The following PEAK1 variants were observed in gnomAD, a reference collection of about 807,000 sequenced individuals.
PEAK1 encodes the protein inactive tyrosine-protein kinase PEAK1.
In PEAK1, 54 loss-of-function variants were observed where a neutral mutation model predicts 124.7. That is an observed-to-expected ratio of 0.43 (90% CI 0.35 to 0.54). The LOEUF (loss-of-function observed/expected upper bound fraction) is 0.54, where lower values mean the gene tolerates loss of function less well. Ranked by LOEUF, PEAK1 falls within the 20% of genes least tolerant of loss-of-function variation. PEAK1 has a pLI of 0.01. For missense variants in PEAK1, 2,046 were observed against 2,134.5 expected, an observed-to-expected ratio of 0.96 and a Z score of 0.82; for synonymous variants, 719 against 760.0, an observed-to-expected ratio of 0.95 and a Z score of 0.89.
intron 6 of PEAK1, among the ~76,000 whole-genome samples, chr15:77,214,763 G>T (rs1404222943): frequency 6.6e-6 from 1 of 152,104 alleles, no homozygotes; most frequent in African/African-American, 2.4e-5. Flanking sequence ...ATATTCATAT[G>T]GCCAGCAGGA....
At chr15:77,145,463 G>A (rs1482975071) in intron 8 of PEAK1, among the ~76,000 whole-genome samples, 3 of 149,710 alleles carry the variant, frequency 2.0e-5, no homozygotes, top group Non-Finnish European at 3.0e-5. Flanking sequence ...AAAAAAAAAT[G>A]TCTTCAGACT....
At chr15:77,385,111 T>C (rs554242591) in intron 1 of PEAK1, among the ~76,000 whole-genome samples, 1 of 152,288 alleles carries the variant, frequency 6.6e-6, no homozygotes, top group African/African-American at 2.4e-5. Context: ...CAGGTGAACC[T>C]AAAATCTTCT....
chr15:77,250,205 A>ATATGTATATATATACATATATATACATG (rs2060801235), intron 6 of PEAK1, among the ~76,000 whole-genome samples: 1 of 109,284 alleles, frequency 9.2e-6, no homozygotes, highest in African/African-American at 3.1e-5. Flanking sequence ...ATATATACAT[A>ATATGTATATATATACATATATATACATG]TATATGTATA....
chr15:77,350,595 T>C, intron 2 of PEAK1: 1 of 975,588 alleles, frequency 1.0e-6, no homozygotes, highest in South Asian at 4.7e-5. Context: ...AGTATATGTG[T>C]GTTAGAGATT....
intron 7 of PEAK1, among the ~76,000 whole-genome samples, chr15:77,161,624 C>T (rs1187816212): frequency 1.3e-5 from 2 of 152,136 alleles, no homozygotes; most frequent in Non-Finnish European, 2.9e-5. Flanking sequence ...AAAAATGCAT[C>T]AGTGATATGT....
chr15:77,342,028 A>C (rs980547631), intron 2 of PEAK1, among the ~76,000 whole-genome samples: 17 of 152,056 alleles, frequency 1.1e-4, no homozygotes, highest in African/African-American at 4.1e-4. Flanking sequence ...GCATTAAGTT[A>C]CATTGATTTA....
chr15:77,326,533 C>T lies in PEAK1; in HGVS notation c.-603+38630G>A, dbSNP rs147527367. Among the ~76,000 whole-genome samples, 599 of 152,274 alleles carry T rather than the reference C, an allele frequency of 3.9e-3. 1 individual carries two copies. Among genetic ancestry groups the T allele is most frequent in the Non-Finnish European group, 6.4e-3 (437 of 67,984 alleles). ...CTTCTGAGACTCCCTCTCCTTATTTCGGTCTGCACTTTCCATCTGATGACA... is the reference window on the plus strand; with the variant it reads ...CTTCTGAGACTCCCTCTCCTTATTTTGGTCTGCACTTTCCATCTGATGACA... On this transcript the variant is annotated intron_variant, in intron 2 of 9. Coordinates refer to ENST00000682557, the MANE Select transcript of PEAK1 (RefSeq NM_001385026.1).
chr15:77,233,679 T>C (rs149285865), intron 6 of PEAK1, among the ~76,000 whole-genome samples: 1 of 152,196 alleles, frequency 6.6e-6, no homozygotes, highest in Admixed American at 6.5e-5. Context: ...CATTTCTCTA[T>C]TTTGAACTCT....
At chr15:77,135,176 G>T (rs1440386772) in intron 8 of PEAK1, among the ~76,000 whole-genome samples, 2 of 152,158 alleles carry the variant, frequency 1.3e-5, no homozygotes, top group African/African-American at 4.8e-5. Flanking sequence ...CCCATTTGTG[G>T]TACTTTTTTA....
At chr15:77,400,666 G>A (rs979349401) in intron 1 of PEAK1, among the ~76,000 whole-genome samples, 3 of 152,014 alleles carry the variant, frequency 2.0e-5, no homozygotes, top group Admixed American at 6.5e-5. Flanking sequence ...ATAAGTTGAG[G>A]AACATCTATA....
intron 8 of PEAK1, among the ~76,000 whole-genome samples, chr15:77,153,434 A>C (rs1348642180): frequency 6.6e-6 from 1 of 152,166 alleles, no homozygotes; most frequent in Non-Finnish European, 1.5e-5. Context: ...TCAAAAAAAC[A>C]GTTCCTGGAT....
At chr15:77,139,800 C>T (rs2053627133) in intron 8 of PEAK1, among the ~76,000 whole-genome samples, 1 of 151,616 alleles carries the variant, frequency 6.6e-6, no homozygotes, top group Non-Finnish European at 1.5e-5. Flanking sequence ...CAACAACACA[C>T]ATATATATAC....
chr15:77,185,035 T>G lies in PEAK1; in HGVS notation c.-114-2995A>C, dbSNP rs180933141. Among the ~76,000 whole-genome samples, 205 of 152,330 alleles carry G rather than the reference T, an allele frequency of 1.3e-3. 1 individual carries two copies. The highest frequency in any genetic ancestry group is 4.8e-3 in the African/African-American group (200 of 41,580). ...GGACAGGAGGCTTAAAAGACTGACA[T>G]AGGCAAACTAAGATCTGATGAGGAT... On this transcript the variant is annotated intron_variant, in intron 6 of 9. Coordinates refer to ENST00000682557, the MANE Select transcript of PEAK1 (RefSeq NM_001385026.1).
At chr15:77,351,340 A>T (rs2067197125) in intron 2 of PEAK1, among the ~76,000 whole-genome samples, 1 of 152,228 alleles carries the variant, frequency 6.6e-6, no homozygotes, top group Admixed American at 6.5e-5. Flanking sequence ...GCTTGGAAAG[A>T]CAATAGAGCT....
At chr15:77,314,674 G>A (rs184740177) in intron 2 of PEAK1, among the ~76,000 whole-genome samples, 32 of 152,172 alleles carry the variant, frequency 2.1e-4, no homozygotes, top group South Asian at 2.1e-4. Context: ...TGCCTAAAAC[G>A]AATTTTCTAG....
chr15:77,329,525 A>G (rs1452042400), intron 2 of PEAK1, among the ~76,000 whole-genome samples: 1 of 152,208 alleles, frequency 6.6e-6, no homozygotes, highest in East Asian at 1.9e-4. Flanking sequence ...CCTAAGTTAG[A>G]GTAAGCAGGT....
chr15:77,301,691 A>AT (rs1365521042), intron 2 of PEAK1, among the ~76,000 whole-genome samples: 1 of 152,104 alleles, frequency 6.6e-6, no homozygotes, highest in Non-Finnish European at 1.5e-5. Flanking sequence ...CTTGAGGTAC[A>AT]ATTTATCAGG....
chr15:77,169,156 T>C (rs1357698810), intron 7 of PEAK1, among the ~76,000 whole-genome samples: 1 of 152,182 alleles, frequency 6.6e-6, no homozygotes, highest in Non-Finnish European at 1.5e-5. Flanking sequence ...CTTGAACTCC[T>C]GGGCTCAAGT....
At chr15:77,345,850 TC>T in intron 2 of PEAK1, 1 of 919,188 alleles carries the variant, frequency 1.1e-6, no homozygotes, top group Non-Finnish European at 1.3e-6. Flanking sequence ...ATTACATGTA[TC>T]CCCAAAATAT....
Sources: allele counts gnomAD v4.1 joint callset (sites outside exome capture counted in the v4.1 genomes callset), GRCh38; gene constraint gnomAD v4.1.1; transcripts MANE v1.5; gene names NCBI Gene and HGNC (gene_info 2026-07-23, HGNC 2026-07-21).